Variants in GPC6 observed in about 807,000 individuals in gnomAD.
The protein encoded by GPC6 is glypican-6.
Under a neutral mutation model 55.2 loss-of-function variants are expected in GPC6, and 14 were observed. The ratio of observed to expected loss-of-function variants is 0.25; its 90% confidence interval spans 0.17 to 0.40. GPC6 has a LOEUF of 0.40. GPC6 is among the 10% of genes least tolerant of loss of function. The probability of loss-of-function intolerance (pLI) is 1.00; values close to 1 mark genes in which losing one functional copy is unlikely to be tolerated. For synonymous variants in GPC6, 278 were observed against 259.6 expected (o/e 1.07, Z -0.68); for missense variants, 641 against 708.5 (o/e 0.90, Z 1.08).
chr13:93,704,488 T>C (rs1882779271), intron 2 of GPC6, among the ~76,000 whole-genome samples: 1 of 151,602 alleles, frequency 6.6e-6, no homozygotes, highest in African/African-American at 2.4e-5. Context: ...TTAAAAATAT[T>C]ACATATACTT....
intron 1 of GPC6, among the ~76,000 whole-genome samples, chr13:93,260,510 C>T (rs971729563): frequency 1.1e-4 from 16 of 151,914 alleles, no homozygotes; most frequent in East Asian, 5.8e-4. Context: ...TTGTTATCAC[C>T]GCCTCTTAGG....
chr13:94,193,852 G>A (rs1889478422), intron 4 of GPC6, among the ~76,000 whole-genome samples: 1 of 152,216 alleles, frequency 6.6e-6, no homozygotes, highest in Non-Finnish European at 1.5e-5. Context: ...GCTTTTAATA[G>A]TGAGGTTGAG....
chr13:94,190,787 A>G (rs1040696593), intron 4 of GPC6, among the ~76,000 whole-genome samples: 1 of 152,232 alleles, frequency 6.6e-6, no homozygotes, highest in Non-Finnish European at 1.5e-5. Context: ...TCAAATAGTG[A>G]GAATTATCTC....
At chr13:93,904,555 A>G (rs914653759) in intron 3 of GPC6, among the ~76,000 whole-genome samples, 2 of 152,090 alleles carry the variant, frequency 1.3e-5, no homozygotes, top group African/African-American at 4.8e-5. Flanking sequence ...CCTGAGCAAT[A>G]TAGAAAAACC....
At chr13:93,278,002 A>C (rs1025511286) in intron 1 of GPC6, among the ~76,000 whole-genome samples, 1 of 152,170 alleles carries the variant, frequency 6.6e-6, no homozygotes, top group East Asian at 1.9e-4. Flanking sequence ...TTCCCTCTTT[A>C]CTATAGTTCC....
At chr13:94,244,070 A>G (rs980143741) in intron 4 of GPC6, among the ~76,000 whole-genome samples, 4 of 152,178 alleles carry the variant, frequency 2.6e-5, no homozygotes, top group Non-Finnish European at 5.9e-5. Context: ...TTAAGGAACT[A>G]CTTAGGTAAT....
At chr13:94,083,115 GTTTTC>G (rs1413844608) in intron 4 of GPC6, among the ~76,000 whole-genome samples, 1 of 151,960 alleles carries the variant, frequency 6.6e-6, no homozygotes, top group Non-Finnish European at 1.5e-5. Flanking sequence ...AGGTTTTTTT[GTTTTC>G]TTTTGTTTTG....
intron 3 of GPC6, among the ~76,000 whole-genome samples, chr13:93,889,991 G>GA (rs201844189): frequency 5.3e-4 from 80 of 150,580 alleles, no homozygotes; most frequent in South Asian, 4.0e-3. Flanking sequence ...TTCTACGCAG[G>GA]AAAAAAAAAT....
intron 6 of GPC6, among the ~76,000 whole-genome samples, chr13:94,379,297 C>T (rs553192680): frequency 2.6e-5 from 4 of 152,268 alleles, no homozygotes; most frequent in South Asian, 2.1e-4. Flanking sequence ...TCACCATCAC[C>T]GTCTGCAGGT....
At chr13:93,359,570 G>GAAAATATTAAAATATTAATATTAATATT in intron 1 of GPC6, among the ~76,000 whole-genome samples, 1 of 152,270 alleles carries the variant, frequency 6.6e-6, no homozygotes, top group Middle Eastern at 3.4e-3. Flanking sequence ...CTGCAATGGG[G>GAAAATATTAAAATATTAATATTAATATT]AAAATATTAA....
At chr13:93,910,148 C>A (rs994115374) in intron 3 of GPC6, among the ~76,000 whole-genome samples, 1 of 152,048 alleles carries the variant, frequency 6.6e-6, no homozygotes, top group Non-Finnish European at 1.5e-5. Context: ...GTAGCTCCCA[C>A]AATTCCTACG....
At chr13:93,500,571 T>C (rs77458491) in intron 1 of GPC6, among the ~76,000 whole-genome samples, 2,183 of 152,282 alleles carry the variant, frequency 0.014, 48 homozygotes, top group African/African-American at 0.044. Flanking sequence ...ATATATCTAT[T>C]TTACATCCTC....
chr13:94,295,825 C>T (rs889172034), intron 5 of GPC6, among the ~76,000 whole-genome samples: 7 of 152,036 alleles, frequency 4.6e-5, no homozygotes, highest in African/African-American at 1.7e-4. Context: ...GCTTTACATT[C>T]TATTTCTACT....
At chr13:93,632,370 G>A (rs1879484028) in intron 2 of GPC6, among the ~76,000 whole-genome samples, 1 of 152,006 alleles carries the variant, frequency 6.6e-6, no homozygotes, top group Non-Finnish European at 1.5e-5. Context: ...AGCACTTTGG[G>A]AAGCTCAGGC....
chr13:94,318,326 C>T (rs1219142448), intron 6 of GPC6, among the ~76,000 whole-genome samples: 1 of 152,154 alleles, frequency 6.6e-6, no homozygotes, highest in Non-Finnish European at 1.5e-5. Context: ...CCAGTGCATG[C>T]CTGAAACCAC....
At chr13:93,268,866 C>A (rs1250101529) in intron 1 of GPC6, among the ~76,000 whole-genome samples, 1 of 152,112 alleles carries the variant, frequency 6.6e-6, no homozygotes, top group Non-Finnish European at 1.5e-5. Flanking sequence ...TTCTCTGCCT[C>A]CCTTTCCTTC....
At chr13:93,693,857 A>T (rs908229664) in intron 2 of GPC6, among the ~76,000 whole-genome samples, 2 of 152,176 alleles carry the variant, frequency 1.3e-5, no homozygotes, top group Non-Finnish European at 2.9e-5. Flanking sequence ...ACTGAGAATT[A>T]TGCCAATTTT....
chr13:94,309,045 A>C (rs1398529279), intron 6 of GPC6, among the ~76,000 whole-genome samples: 1 of 152,226 alleles, frequency 6.6e-6, no homozygotes, highest in African/African-American at 2.4e-5. Context: ...TAGGCTGTTT[A>C]TAAACAAGTC....
intron 1 of GPC6, among the ~76,000 whole-genome samples, chr13:93,357,750 G>T (rs142574546): frequency 2.0e-5 from 3 of 152,250 alleles, no homozygotes; most frequent in African/African-American, 7.2e-5. Context: ...CTGGAGGATC[G>T]CTTGAGTCCA....
Sources: gnomAD v4.1 joint callset for allele counts (sites outside exome capture counted in the v4.1 genomes callset) on GRCh38, gnomAD v4.1.1 for gene constraint, MANE v1.5 for transcripts, NCBI Gene and HGNC (gene_info 2026-07-23, HGNC 2026-07-21) for gene names.